The following ENC1 variants were observed in gnomAD, a reference collection of about 807,000 sequenced individuals.
ENC1 encodes ectodermal-neural cortex 1, also known as ectoderm-neural cortex protein 1.
Under a neutral mutation model 40.9 loss-of-function variants are expected in ENC1, and 19 were observed. The ratio of observed to expected loss-of-function variants is 0.46; its 90% CI spans 0.32 to 0.68. The LOEUF (loss-of-function observed/expected upper bound fraction) is 0.68, where lower values mean the gene tolerates loss of function less well. Among genes scored for constraint, ENC1 ranks in the 30% least tolerant of loss-of-function variants. ENC1 has a pLI of 0.03. For synonymous variants in ENC1, 285 were observed against 291.1 expected (o/e 0.98, Z 0.21); for missense variants, 479 against 737.5 (o/e 0.65, Z 4.06).
intron 2 of ENC1, among the ~76,000 whole-genome samples, chr5:74,633,386 G>T (rs2112021881): frequency 6.6e-6 from 1 of 152,276 alleles, no homozygotes; most frequent in East Asian, 1.9e-4. Flanking sequence ...TGACAATAGG[G>T]TCGGCCTGAC....
At chr5:74,637,661 C>T (rs1747650789) in intron 1 of ENC1, 1 of 152,150 alleles carries the variant, frequency 6.6e-6, no homozygotes, top group South Asian at 2.1e-4. Flanking sequence ...TTAAATAGTG[C>T]ATCACTAGGA....
In ENC1 at chr5:74,636,325, T is replaced by C. The variant is rs1159694252; in HGVS notation, c.161A>G (p.Asn54Ser). ...LFTDVLLHAG[N>S]RTFPCHRAVL... ...TGCCCGGTGGCAAGGGAAGGTCCTA[T>C]TTCCGGCATGGAGAAGGACGTCAGT... The change falls in exon 2 of 3, where the codon AAT becomes AGT. Residue 54 changes from asparagine to serine, a missense_variant. By Grantham distance (46) the Asn-to-Ser change is conservative. Coordinates refer to ENST00000302351, the MANE Select transcript of ENC1 (RefSeq NM_003633.4). This position sits in a 1 kb window ranked among gnomAD's most constrained non-coding sequence, Gnocchi z 4.8. The C allele has an allele frequency of 6.2e-7, 1 of 1,614,156 alleles. No homozygotes were observed.
At chr5:74,637,557 T>C (rs1747646741) in intron 1 of ENC1, 1 of 152,200 alleles carries the variant, frequency 6.6e-6, no homozygotes, top group African/African-American at 2.4e-5. Flanking sequence ...ATATTTTGAG[T>C]AGCATACTTA....
intron 1 of ENC1, among the ~76,000 whole-genome samples, chr5:74,639,056 C>G (rs2112044148): frequency 6.6e-6 from 1 of 152,298 alleles, no homozygotes; most frequent in South Asian, 2.1e-4. Flanking sequence ...CCAGGTTGGC[C>G]CAACAAGCCA....
intron 1 of ENC1, among the ~76,000 whole-genome samples, chr5:74,637,062 G>A (rs995914924): frequency 2.6e-5 from 4 of 152,192 alleles, no homozygotes; most frequent in African/African-American, 9.6e-5. Context: ...GGAAATGTAA[G>A]GCCAACTTCT....
chr5:74,633,483 T>C (rs1223487480), intron 2 of ENC1, among the ~76,000 whole-genome samples: 1 of 152,200 alleles, frequency 6.6e-6, no homozygotes, highest in Non-Finnish European at 1.5e-5. Context: ...TGCAACCTTT[T>C]ACAAAGACAG....
Position 74,635,728 on chromosome 5 carries a change from T to G in ENC1, c.758A>C (p.Glu253Ala), listed in dbSNP as rs1210014409. The part of the protein sequence containing the change: ...AIYLMENVAM[E>A]ELITKQRKSK... Reference sequence around the variant, plus strand: ...CTTTCTCTGCTTGGTGATGAGTTCCTCCATGGCCACATTCTCCATGAGATA... The same window carrying G: ...CTTTCTCTGCTTGGTGATGAGTTCCGCCATGGCCACATTCTCCATGAGATA... The change falls in exon 2 of 3, where the codon GAG becomes GCG. Residue 253 changes from glutamate to alanine, a missense_variant. Coordinates refer to ENST00000302351, the MANE Select transcript of ENC1 (RefSeq NM_003633.4). This position sits in a 1 kb window ranked among gnomAD's most constrained non-coding sequence, Gnocchi z 5.5. 1.9e-6 allele frequency: 3 copies of G among 1,614,152 alleles called. No homozygotes were observed. In the Admixed American group the frequency reaches 5.0e-5, roughly 27 times the overall value.
Position 74,635,473 on chromosome 5 carries a change from A to G in ENC1, c.1013T>C (p.Ile338Thr). ...SPRKEFSACA[I>T]GCKVYITGGR... is the part of the protein sequence containing the mutation. ...CCCAGTAATGTACACTTTGCAGCCA[A>G]TCGCACATGCACTAAACTCTTTTCT... The change falls in exon 2 of 3, where the codon ATT becomes ACT. Residue 338 changes from isoleucine (I) to threonine (T), a missense_variant. Ile to Thr is a moderately conservative substitution (Grantham distance 89). Transcript: ENST00000302351. This position sits in a 1 kb window ranked among gnomAD's most constrained non-coding sequence, Gnocchi z 5.5. The G allele has an allele frequency of 4.3e-6, 7 of 1,614,168 alleles. No homozygotes were observed. The highest frequency in any genetic ancestry group is 5.1e-6 in the Non-Finnish European group (6 of 1,180,032).
Position 74,635,119 on chromosome 5 carries a change from T to C in ENC1, c.1367A>G (p.His456Arg). ...ACACTGAACTTTGGGGAGCTTGTCA[T>C]GACTGACACTGGTACCTCCGAAAGC... ...LFAFGGTSVS[H>R]DKLPKVQCYD... Residue 456 changes from histidine (H) to arginine (R), a missense_variant, in exon 2 of 3, where the codon CAT becomes CGT. Coordinates refer to ENST00000302351, the MANE Select transcript of ENC1 (RefSeq NM_003633.4). The surrounding 1 kb of genome is among the most constrained non-coding windows in gnomAD (Gnocchi z 5.5). The C allele has an allele frequency of 1.9e-6, 3 of 1,614,230 alleles. No homozygotes were observed. The highest frequency in any genetic ancestry group is 2.5e-6 in the Non-Finnish European group (3 of 1,180,030).
chr5:74,635,220 G>A lies in ENC1; in HGVS notation c.1266C>T (p.Asn422=). The change falls in exon 2 of 3, where the codon AAC becomes AAT. Residue 422 remains asparagine (N), a synonymous_variant. Transcript: ENST00000302351. The surrounding 1 kb of genome is among the most constrained non-coding windows in gnomAD (Gnocchi z 5.5). ...GGAGTGGGGCCACCATGGTCCATTT[G>A]TTGATTGTGGGGTCATAATGTTCTA... ...KQVEHYDPTI[N]KWTMVAPLRE... 6.2e-7 allele frequency: 1 copy of A among 1,614,200 alleles called. No individual in the cohort carries two copies. Among genetic ancestry groups the A allele is most frequent in the South Asian group, 1.1e-5 (1 of 91,084 alleles).
At chr5:74,639,272 C>T (rs1163841928) in intron 1 of ENC1, among the ~76,000 whole-genome samples, 1 of 152,248 alleles carries the variant, frequency 6.6e-6, no homozygotes, top group Non-Finnish European at 1.5e-5. Context: ...TCACTGAACA[C>T]ACCTTCAACA....
rs369973476 is a variant in ENC1 at position 74,635,888 on chromosome 5, C to T, written c.598G>A (p.Glu200Lys). Residue 200 changes from glutamate (E) to lysine (K), a missense_variant, in exon 2 of 3, where the codon GAA (glutamate) becomes AAA (lysine). Coordinates refer to ENST00000302351, the MANE Select transcript of ENC1 (RefSeq NM_003633.4). The surrounding 1 kb of genome is among the most constrained non-coding windows in gnomAD (Gnocchi z 5.5). ...QDMVVQLLSS[E>K]ELETEDERLV... ...CTTTCATCCTCTGTCTCCAGCTCTTCACTGGACAAGAGTTGCACTACCATG... is the reference window on the plus strand; with the variant it reads ...CTTTCATCCTCTGTCTCCAGCTCTTTACTGGACAAGAGTTGCACTACCATG... 41 of 1,613,976 alleles carry T rather than the reference C, an allele frequency of 2.5e-5. No homozygotes were observed. The highest frequency in any genetic ancestry group is 3.1e-5 in the Non-Finnish European group (37 of 1,179,970).
chr5:74,636,839 A>T lies in ENC1; in HGVS notation c.-13-341T>A, dbSNP rs1411779145. Among the ~76,000 whole-genome samples, 4 of 152,138 alleles carry T rather than the reference A, an allele frequency of 2.6e-5. No individual in the cohort carries two copies. On this transcript the variant is annotated intron_variant, in intron 1 of 2. Coordinates refer to ENST00000302351, the MANE Select transcript of ENC1 (RefSeq NM_003633.4). The surrounding 1 kb of genome is among the most constrained non-coding windows in gnomAD (Gnocchi z 4.8). ...ATATAAGTCAGCAAAAGCCAAGAGG[A>T]GTGAGTCTCATTCCCACAGCTCCCT...
Sources: allele counts gnomAD v4.1 joint callset (sites outside exome capture counted in the v4.1 genomes callset), GRCh38; gene constraint gnomAD v4.1.1; non-coding constraint Gnocchi (gnomAD v3.1); transcripts MANE v1.5; gene names NCBI Gene and HGNC (gene_info 2026-07-23, HGNC 2026-07-21).